The following GPC6 variants were observed in gnomAD, a reference collection of about 807,000 sequenced individuals.
GPC6 encodes the protein glypican-6.
A neutral mutation model predicts 55.2 loss-of-function variants in GPC6; 14 were observed. That is an observed-to-expected ratio of 0.25 (90% CI 0.17 to 0.40). The LOEUF (loss-of-function observed/expected upper bound fraction) is 0.40, where lower values mean the gene tolerates loss of function less well. Ranked by LOEUF, GPC6 falls within the 10% of genes least tolerant of loss-of-function variation. The probability of loss-of-function intolerance (pLI) is 1.00; values close to 1 mark genes in which losing one functional copy is unlikely to be tolerated. For missense variants in GPC6, 641 were observed against 708.5 expected (o/e 0.90, Z 1.08); for synonymous variants, 278 against 259.6 (o/e 1.07, Z -0.68).
intron 1 of GPC6, among the ~76,000 whole-genome samples, chr13:93,449,616 T>C (rs1878144235): frequency 6.6e-6 from 1 of 152,040 alleles, no homozygotes; most frequent in African/African-American, 2.4e-5. Context: ...TCACCTGAGG[T>C]CAGGAGTTCG....
At chr13:93,984,899 A>G (rs1164666310) in intron 3 of GPC6, among the ~76,000 whole-genome samples, 1 of 152,228 alleles carries the variant, frequency 6.6e-6, no homozygotes, top group East Asian at 1.9e-4. Flanking sequence ...ATAATTATAT[A>G]TAGTTTAAAT....
At chr13:94,062,437 G>A (rs1259715776) in intron 4 of GPC6, among the ~76,000 whole-genome samples, 2 of 151,892 alleles carry the variant, frequency 1.3e-5, no homozygotes, top group Non-Finnish European at 2.9e-5. Flanking sequence ...TTTTAGTAGA[G>A]ACCAGGTTTC....
chr13:93,846,126 C>T (rs1888170038), intron 3 of GPC6, among the ~76,000 whole-genome samples: 1 of 152,074 alleles, frequency 6.6e-6, no homozygotes, highest in South Asian at 2.1e-4. Context: ...TACAACTAGA[C>T]ATTGAAGCCA....
At chr13:94,168,511 G>A (rs537617838) in intron 4 of GPC6, among the ~76,000 whole-genome samples, 9 of 151,910 alleles carry the variant, frequency 5.9e-5, no homozygotes, top group Non-Finnish European at 1.3e-4. Flanking sequence ...GCATATTCTG[G>A]ACCTACCTAA....
intron 4 of GPC6, among the ~76,000 whole-genome samples, chr13:94,185,897 A>G (rs552035850): frequency 9.9e-5 from 15 of 151,992 alleles, no homozygotes; most frequent in African/African-American, 2.7e-4. Flanking sequence ...TGTCTCTACT[A>G]AAAATACAAA....
At chr13:93,527,453 T>G (rs765287926) in intron 1 of GPC6, among the ~76,000 whole-genome samples, 5 of 152,158 alleles carry the variant, frequency 3.3e-5, no homozygotes, top group Non-Finnish European at 7.4e-5. Context: ...CTTCAGAGAC[T>G]CTGAACTCCT....
chr13:93,603,570 C>A (rs868172088), intron 2 of GPC6, among the ~76,000 whole-genome samples: 5 of 152,272 alleles, frequency 3.3e-5, no homozygotes, highest in Middle Eastern at 3.4e-3. Flanking sequence ...AATAATTTTT[C>A]TGAGGTCACA....
intron 2 of GPC6, among the ~76,000 whole-genome samples, chr13:93,636,989 C>T (rs9589803): frequency 0.017 from 2,550 of 151,268 alleles, 63 homozygotes; most frequent in African/African-American, 0.057. Context: ...GAGCAGAAAC[C>T]TTTTAGGTTA....
rs944420076 is a variant in GPC6, at chr13:93,793,674, A to G, written c.320-36480A>G. Among the ~76,000 whole-genome samples, 5 of 152,208 alleles carry G rather than the reference A, an allele frequency of 3.3e-5. No individual in the cohort carries two copies. The South Asian group carries it at 6.2e-4, about 19-fold the overall frequency. The stretch of plus-strand genomic sequence containing the variant: ...AAACTTTTTGTAATTCCTAATAACT[A>G]CTTTTATGATGGTGATGAAGATGAC... On this transcript the variant is annotated intron_variant, in intron 2 of 8. Transcript: ENST00000377047.
intron 4 of GPC6, among the ~76,000 whole-genome samples, chr13:94,155,307 G>C (rs1887895077): frequency 1.3e-5 from 2 of 152,194 alleles, no homozygotes; most frequent in South Asian, 4.2e-4. Flanking sequence ...CCAGAAACGA[G>C]TTATCATCTG....
intron 1 of GPC6, among the ~76,000 whole-genome samples, chr13:93,377,636 A>G (rs1025744161): frequency 1.9e-4 from 29 of 152,208 alleles, no homozygotes; most frequent in African/African-American, 6.3e-4. Flanking sequence ...TCTTTTGTTA[A>G]TGCTGTGGTT....
chr13:93,616,393 T>G (rs889397115), intron 2 of GPC6, among the ~76,000 whole-genome samples: 2 of 152,102 alleles, frequency 1.3e-5, no homozygotes, highest in Admixed American at 1.3e-4. Flanking sequence ...TCTCTTACAA[T>G]ATGTGCGATT....
At chr13:93,437,609 A>G (rs139455957) in intron 1 of GPC6, among the ~76,000 whole-genome samples, 1 of 152,332 alleles carries the variant, frequency 6.6e-6, no homozygotes, top group East Asian at 1.9e-4. Flanking sequence ...AATTCTATGA[A>G]GACTAAAAAA....
At position 93,952,615 on chromosome 13, in the gene GPC6, GTATGTATGTGTCTGTATA is replaced by G. The variant is rs752388602; in HGVS notation, c.712-75086_712-75069del. Among the ~76,000 whole-genome samples, 617 of 151,440 alleles carry G rather than the reference GTATGTATGTGTCTGTATA, an allele frequency of 4.1e-3. 1 individual carries two copies. Among genetic ancestry groups the G allele is most frequent in the Non-Finnish European group, 4.8e-3 (328 of 67,846 alleles). On this transcript the variant is annotated intron_variant, in intron 3 of 8. Transcript: ENST00000377047. ...GTGATGTATACATTTATGTATATAT[GTATGTATGTGTCTGTATA>G]TATGTATGTGTCTGTATATATGTAT...
intron 1 of GPC6, among the ~76,000 whole-genome samples, chr13:93,486,122 T>C (rs1879704251): frequency 6.6e-6 from 1 of 152,084 alleles, no homozygotes; most frequent in Non-Finnish European, 1.5e-5. Flanking sequence ...TATCCCTCAG[T>C]GTAGTAGAGA....
intron 4 of GPC6, among the ~76,000 whole-genome samples, chr13:94,086,730 A>G (rs1469159587): frequency 1.3e-5 from 2 of 152,308 alleles, no homozygotes; most frequent in African/African-American, 4.8e-5. Context: ...GTATTTTAAC[A>G]CTGATTGTAT....
chr13:94,342,590 G>C (rs1312347067), intron 6 of GPC6, among the ~76,000 whole-genome samples: 1 of 152,184 alleles, frequency 6.6e-6, no homozygotes, highest in Non-Finnish European at 1.5e-5. Flanking sequence ...AAGTGTGAGA[G>C]AATACATTTC....
At chr13:93,566,416 T>G (rs987096965) in intron 2 of GPC6, among the ~76,000 whole-genome samples, 5 of 151,394 alleles carry the variant, frequency 3.3e-5, no homozygotes, top group African/African-American at 1.2e-4. Flanking sequence ...TGATAACACT[T>G]TTAGAAAGTA....
At chr13:93,356,902 A>G (rs1251913115) in intron 1 of GPC6, among the ~76,000 whole-genome samples, 2 of 152,160 alleles carry the variant, frequency 1.3e-5, no homozygotes, top group Non-Finnish European at 2.9e-5. Context: ...ACTATATAGA[A>G]CTGAGTTTGT....
Sources: allele counts gnomAD v4.1 joint callset (sites outside exome capture counted in the v4.1 genomes callset), GRCh38; gene constraint gnomAD v4.1.1; transcripts MANE v1.5; gene names NCBI Gene and HGNC (gene_info 2026-07-23, HGNC 2026-07-21).